PRKAA1: variants seen among roughly 807,000 people sequenced by gnomAD.
PRKAA1 encodes protein kinase AMP-activated catalytic subunit alpha 1.
PRKAA1 carries 23 observed loss-of-function variants against 56.9 expected under a neutral mutation model. That is an observed-to-expected ratio of 0.40 (90% confidence interval 0.29 to 0.57). The LOEUF (loss-of-function observed/expected upper bound fraction) is 0.57. PRKAA1 is among the 20% of genes least tolerant of loss of function. The pLI is 0.39. For missense variants in PRKAA1, 413 were observed against 679.7 expected (o/e 0.61, Z 4.36); for synonymous variants, 226 against 227.0 (o/e 1.00, Z 0.04).
chr5:40,798,287 C>A lies in PRKAA1; in HGVS notation c.-98G>T. The A allele has an allele frequency of 1.5e-6, 1 of 660,510 alleles. No individual in the cohort carries two copies. Among genetic ancestry groups the A allele is most frequent in the Non-Finnish European group, 2.2e-6 (1 of 464,046 alleles). The allele number at this position is 660,510 out of a possible 1,614,324, so 40.9% of individuals were successfully genotyped here. A position where few individuals can be genotyped will look rare whatever the true frequency, so the allele number is the denominator to read the frequency against. ...GGAGGGCAGCCACCGAGCCGAGTCA[C>A]CGCCCTGCGCCGCCAGCCCAGGCCC... On this transcript the variant is annotated 5_prime_UTR_variant, in exon 1 of 9. Transcript: ENST00000397128.
chr5:40,773,790 A>C (rs964983131), intron 3 of PRKAA1, among the ~76,000 whole-genome samples: 2 of 152,232 alleles, frequency 1.3e-5, no homozygotes, highest in African/African-American at 4.8e-5. Flanking sequence ...TTGAAGTAAG[A>C]AGCTTTTAAA....
At chr5:40,795,544 G>A (rs1291705594) in intron 1 of PRKAA1, among the ~76,000 whole-genome samples, 5 of 152,098 alleles carry the variant, frequency 3.3e-5, no homozygotes, top group African/African-American at 4.8e-5. Context: ...AAGCCAACTG[G>A]CACATGGCAT....
chr5:40,764,351 A>C (rs564359061), intron 8 of PRKAA1, 163 bp downstream of exon 8: 2 of 643,100 alleles, frequency 3.1e-6, no homozygotes, highest in African/African-American at 1.8e-5. Flanking sequence ...AAGAAAAATA[A>C]GATTCATAAA....
chr5:40,794,309 A>G (rs551014535), intron 1 of PRKAA1, among the ~76,000 whole-genome samples: 1 of 152,150 alleles, frequency 6.6e-6, no homozygotes, highest in Admixed American at 6.5e-5. Context: ...CTGTCTATTC[A>G]TATCCTTAGC....
intron 1 of PRKAA1, among the ~76,000 whole-genome samples, chr5:40,786,901 T>A (rs1311963652): frequency 2.7e-5 from 4 of 150,428 alleles, no homozygotes; most frequent in Admixed American, 6.6e-5. Flanking sequence ...GAGGTTGCAG[T>A]GAGCCAAGAT....
chr5:40,773,058 T>C (rs1238445771), intron 3 of PRKAA1, among the ~76,000 whole-genome samples: 1 of 152,166 alleles, frequency 6.6e-6, no homozygotes, highest in African/African-American at 2.4e-5. Context: ...AAGCTATTAA[T>C]CCTCTAGGCG....
intron 1 of PRKAA1, among the ~76,000 whole-genome samples, chr5:40,788,159 G>A (rs1744572609): frequency 1.3e-5 from 2 of 152,168 alleles, no homozygotes. Flanking sequence ...GCACGGCACT[G>A]ACATAAAAAC....
chr5:40,768,802 A>G, intron 5 of PRKAA1: 1 of 1,459,112 alleles, frequency 6.9e-7, no homozygotes, highest in Non-Finnish European at 9.0e-7. Flanking sequence ...GTGAAGGACA[A>G]AGAGTTATTC....
At chr5:40,797,752 G>C (rs906200327) in intron 1 of PRKAA1, among the ~76,000 whole-genome samples, 2 of 152,142 alleles carry the variant, frequency 1.3e-5, no homozygotes, top group African/African-American at 4.8e-5. Context: ...AGAGCGCGCC[G>C]CGCCGCCCGC....
chr5:40,785,201 T>G (rs1480419668), intron 1 of PRKAA1, among the ~76,000 whole-genome samples: 2 of 152,204 alleles, frequency 1.3e-5, no homozygotes, highest in African/African-American at 4.8e-5. Flanking sequence ...CATATCAATT[T>G]CAATGTCTTA....
Position 40,767,773 on chromosome 5 carries a change from C to T in PRKAA1, c.597-83G>A, listed in dbSNP as rs566389333. ...TCAAAAACTTCAAATATGGATATTTCATAAAGAATTCTTAAGCAGAATATG... is the reference window on the plus strand; with the variant it reads ...TCAAAAACTTCAAATATGGATATTTTATAAAGAATTCTTAAGCAGAATATG... On this transcript the variant is annotated intron_variant, in intron 5 of 8. Coordinates refer to ENST00000397128, the MANE Select transcript of PRKAA1 (RefSeq NM_006251.6). The T allele has an allele frequency of 2.9e-5, 34 of 1,169,458 alleles. No individual in the cohort carries two copies. In the South Asian group the frequency reaches 4.2e-4, roughly 14 times the overall value. The allele number at this position is 1,169,458 out of a possible 1,614,324, so 72.4% of individuals were successfully genotyped here.
In PRKAA1 at chr5:40,761,608, T is replaced by C. The variant is rs1164551216; in HGVS notation, c.*1170A>G. ...TTTTAAAAATGTTCATAATAAAATT[T>C]GGGGGGGAAGTCATATCAGAGCACT... On this transcript the variant is annotated 3_prime_UTR_variant, in exon 9 of 9. Coordinates refer to ENST00000397128, the MANE Select transcript of PRKAA1 (RefSeq NM_006251.6). The C allele has an allele frequency of 6.6e-6, 1 of 152,078 alleles. No homozygotes were observed. The highest frequency in any genetic ancestry group is 6.6e-5 in the Admixed American group (1 of 15,262). The allele number at this position is 152,078 out of a possible 1,614,324, so 9.4% of individuals were successfully genotyped here.
intron 1 of PRKAA1, among the ~76,000 whole-genome samples, chr5:40,785,760 A>C (rs749537940): frequency 1.3e-5 from 2 of 151,862 alleles, no homozygotes; most frequent in Non-Finnish European, 2.9e-5. Flanking sequence ...TGAAGATGAA[A>C]TCTTACTGGA....
intron 1 of PRKAA1, among the ~76,000 whole-genome samples, chr5:40,788,491 CAAAAGCAAT>C (rs935348575): frequency 1.8e-4 from 27 of 152,264 alleles, no homozygotes; most frequent in African/African-American, 6.3e-4. Context: ...GCACAGGCAA[CAAAAGCAAT>C]AATAAACAAA....
At chr5:40,776,871 G>C (rs1220407880) in intron 2 of PRKAA1, 1 of 152,164 alleles carries the variant, frequency 6.6e-6, no homozygotes, top group African/African-American at 2.4e-5. Flanking sequence ...TACAGCAATG[G>C]GGCACCAAAC....
intron 5 of PRKAA1, chr5:40,768,792 G>C (rs531040711): frequency 3.0e-5 from 42 of 1,410,176 alleles, no homozygotes; most frequent in Non-Finnish European, 4.6e-6. Flanking sequence ...CAGTAGTATA[G>C]TGAAGGACAA....
At chr5:40,783,530 G>A (rs947369511) in intron 1 of PRKAA1, among the ~76,000 whole-genome samples, 1 of 152,080 alleles carries the variant, frequency 6.6e-6, no homozygotes, top group Admixed American at 6.6e-5. Flanking sequence ...GGACGAGGTG[G>A]GTGGATCACA....
At chr5:40,795,414 TA>T (rs1258420570) in intron 1 of PRKAA1, among the ~76,000 whole-genome samples, 3 of 151,768 alleles carry the variant, frequency 2.0e-5, no homozygotes, top group Non-Finnish European at 4.4e-5. Context: ...AAACAAATTT[TA>T]AAAAAAAGAT....
chr5:40,766,032 GT>G lies in PRKAA1; in HGVS notation c.822-795del, dbSNP rs1263643940. Among the ~76,000 whole-genome samples, 10 of 151,882 alleles carry G rather than the reference GT, an allele frequency of 6.6e-5. No homozygotes were observed. In the East Asian group the frequency reaches 1.9e-3, roughly 29 times the overall value. ...TTTTATTCTCTTCTCTATTGTTGGT[GT>G]TTTTCTAAGTTTTTTCAATTGTCAT... On this transcript the variant is annotated intron_variant, in intron 6 of 8. Coordinates refer to ENST00000397128, the MANE Select transcript of PRKAA1 (RefSeq NM_006251.6).
Sources: allele counts gnomAD v4.1 joint callset (sites outside exome capture counted in the v4.1 genomes callset), GRCh38; gene constraint gnomAD v4.1.1; transcripts MANE v1.5; gene names NCBI Gene and HGNC (gene_info 2026-07-23, HGNC 2026-07-21).